Variants in CNTN1 observed in about 807,000 individuals in gnomAD.
The protein encoded by CNTN1 is contactin-1.
In CNTN1, 38 loss-of-function variants were observed where a neutral mutation model predicts 126.4. The ratio of observed to expected loss-of-function variants is 0.30; its 90% confidence interval spans 0.23 to 0.39. The LOEUF (loss-of-function observed/expected upper bound fraction) is 0.39. CNTN1 is among the 10% of genes least tolerant of loss of function. The pLI is 1.00. For missense variants in CNTN1, 1,009 were observed against 1,248.4 expected (o/e 0.81, Z 2.89); for synonymous variants, 413 against 422.6 (o/e 0.98, Z 0.28).
At chr12:40,846,292 C>A (rs1942497902) in intron 1 of CNTN1, among the ~76,000 whole-genome samples, 2 of 152,158 alleles carry the variant, frequency 1.3e-5, no homozygotes, top group South Asian at 2.1e-4. Context: ...CACGGTGAAA[C>A]CCCGTCTCTA....
At chr12:40,973,696 C>A (rs192128111) in intron 15 of CNTN1, among the ~76,000 whole-genome samples, 2 of 152,174 alleles carry the variant, frequency 1.3e-5, no homozygotes, top group Admixed American at 1.3e-4. Context: ...TATATGAATT[C>A]CCCAAAGGGT....
intron 1 of CNTN1, among the ~76,000 whole-genome samples, chr12:40,894,349 A>C (rs1002259352): frequency 1.3e-5 from 2 of 152,290 alleles, no homozygotes; most frequent in East Asian, 3.9e-4. Flanking sequence ...AACCCACAGC[A>C]GATATACATG....
intron 1 of CNTN1, among the ~76,000 whole-genome samples, chr12:40,822,431 ATAT>A (rs1565786125): frequency 6.6e-6 from 1 of 151,990 alleles, no homozygotes; most frequent in African/African-American, 2.4e-5. Flanking sequence ...CTGGGAAAAA[ATAT>A]TATTATACTA....
intron 17 of CNTN1, 117 bp downstream of exon 17, chr12:40,993,386 C>T (rs1212342264): frequency 1.2e-6 from 1 of 847,240 alleles, no homozygotes; most frequent in Admixed American, 2.1e-5. Flanking sequence ...ATCTGAAAAG[C>T]ATGTGTGTGT....
At chr12:41,043,392 GA>G (rs1460876596) in intron 23 of CNTN1, among the ~76,000 whole-genome samples, 1 of 151,864 alleles carries the variant, frequency 6.6e-6, no homozygotes, top group Non-Finnish European at 1.5e-5. Context: ...CAAAAAACAT[GA>G]AAAAATGCTC....
At chr12:40,808,899 T>C (rs1940955237) in intron 1 of CNTN1, among the ~76,000 whole-genome samples, 1 of 152,190 alleles carries the variant, frequency 6.6e-6, no homozygotes, top group Non-Finnish European at 1.5e-5. Flanking sequence ...CTGGTTTTTC[T>C]TTCACTTCCA....
chr12:40,991,778 A>C lies in CNTN1; in HGVS notation c.1964-1342A>C, dbSNP rs1237432863. Among the ~76,000 whole-genome samples, 4 of 152,242 alleles carry C rather than the reference A, an allele frequency of 2.6e-5. No homozygotes were observed. The East Asian group carries it at 7.7e-4, about 29-fold the overall frequency. ...AGGAGGCAGAGCTTGCAGTAAGCAG[A>C]GATCACGCAACTGCACTCCAGCCTG... On this transcript the variant is annotated intron_variant, in intron 16 of 23. Transcript: ENST00000551295.
At chr12:40,866,603 T>C (rs1018021184) in intron 1 of CNTN1, among the ~76,000 whole-genome samples, 4 of 152,170 alleles carry the variant, frequency 2.6e-5, no homozygotes, top group Non-Finnish European at 5.9e-5. Context: ...TAATATGATG[T>C]ATTGCATCAA....
chr12:40,739,420 A>G (rs1212325838), intron 1 of CNTN1, among the ~76,000 whole-genome samples: 1 of 152,092 alleles, frequency 6.6e-6, no homozygotes, highest in Admixed American at 6.6e-5. Flanking sequence ...AATGTGTAAG[A>G]ATGATTAAAA....
At chr12:40,923,324 T>A (rs1329937663) in intron 5 of CNTN1, among the ~76,000 whole-genome samples, 1 of 151,770 alleles carries the variant, frequency 6.6e-6, no homozygotes, top group Non-Finnish European at 1.5e-5. Context: ...TTGGACCAGG[T>A]GATCTCCAGT....
In CNTN1 at chr12:41,000,812, T is replaced by A. The variant is rs181862740; in HGVS notation, c.2113+7543T>A. On this transcript the variant is annotated intron_variant, in intron 17 of 23. Coordinates refer to ENST00000551295, the MANE Select transcript of CNTN1 (RefSeq NM_001843.4). Reference sequence around the variant, plus strand: ...CTCTACTCTTCAATATGCCCCAGTATGTGTTGTTCCCTTTTATGTGTCCAG... The same window carrying A: ...CTCTACTCTTCAATATGCCCCAGTAAGTGTTGTTCCCTTTTATGTGTCCAG... 2.2e-3 allele frequency among the ~76,000 whole-genome samples: 340 copies of A among 152,320 alleles called. 1 individual carries two copies. The highest frequency in any genetic ancestry group is 3.6e-3 in the Non-Finnish European group (243 of 68,026).
intron 1 of CNTN1, among the ~76,000 whole-genome samples, chr12:40,801,689 G>A (rs934479788): frequency 6.6e-6 from 1 of 151,812 alleles, no homozygotes; most frequent in African/African-American, 2.4e-5. Context: ...AACAAGATGA[G>A]GCTAGAGGGT....
At chr12:40,706,110 A>ATATG (rs760266145) in intron 1 of CNTN1, among the ~76,000 whole-genome samples, 4 of 149,764 alleles carry the variant, frequency 2.7e-5, no homozygotes, top group Admixed American at 1.3e-4. Flanking sequence ...ATATATATAT[A>ATATG]TAGATATATA....
intron 23 of CNTN1, among the ~76,000 whole-genome samples, chr12:41,058,215 T>G (rs2121086930): frequency 6.6e-6 from 1 of 152,264 alleles, no homozygotes; most frequent in African/African-American, 2.4e-5. Context: ...TTTCCTAACA[T>G]TTCTCTCAAC....
At chr12:40,986,736 T>G (rs994971601) in intron 16 of CNTN1, among the ~76,000 whole-genome samples, 1 of 152,184 alleles carries the variant, frequency 6.6e-6, no homozygotes, top group Non-Finnish European at 1.5e-5. Flanking sequence ...ATGTTTGTAG[T>G]ATCGGTGCCG....
intron 1 of CNTN1, among the ~76,000 whole-genome samples, chr12:40,811,333 G>T (rs778078201): frequency 6.6e-6 from 1 of 152,070 alleles, no homozygotes; most frequent in Non-Finnish European, 1.5e-5. Flanking sequence ...GAGGATATTT[G>T]CATCTATGTT....
At chr12:40,858,383 A>C (rs1209901891) in intron 1 of CNTN1, among the ~76,000 whole-genome samples, 1 of 152,176 alleles carries the variant, frequency 6.6e-6, no homozygotes, top group Non-Finnish European at 1.5e-5. Flanking sequence ...ATTAACAAAC[A>C]ATATGAAAAA....
chr12:41,049,506 A>C (rs1370331427), intron 23 of CNTN1, among the ~76,000 whole-genome samples: 1 of 152,246 alleles, frequency 6.6e-6, no homozygotes, highest in Non-Finnish European at 1.5e-5. Flanking sequence ...TTTTACCACT[A>C]AAATAAATGT....
At chr12:40,799,452 G>T (rs949237426) in intron 1 of CNTN1, among the ~76,000 whole-genome samples, 4 of 151,760 alleles carry the variant, frequency 2.6e-5, no homozygotes, top group African/African-American at 4.8e-5. Flanking sequence ...TTAAGAAGTT[G>T]GTAAAAATTG....
Sources: allele counts gnomAD v4.1 joint callset (sites outside exome capture counted in the v4.1 genomes callset), GRCh38; gene constraint gnomAD v4.1.1; transcripts MANE v1.5; gene names NCBI Gene and HGNC (gene_info 2026-07-23, HGNC 2026-07-21).